Variants in SEMA3A observed in about 807,000 individuals in gnomAD.
SEMA3A encodes semaphorin 3A.
A neutral mutation model predicts 97.9 loss-of-function variants in SEMA3A; 29 were observed. The observed-to-expected ratio is 0.30, with a 90% CI of 0.22 to 0.40. The LOEUF (loss-of-function observed/expected upper bound fraction) is 0.40, where lower values mean the gene tolerates loss of function less well. SEMA3A is among the 10% of genes least tolerant of loss of function. The pLI is 1.00. For missense variants in SEMA3A, 763 were observed against 951.3 expected (o/e 0.80, Z 2.60); for synonymous variants, 321 against 323.7 (o/e 0.99, Z 0.09).
At chr7:84,268,249 A>ATGTG (rs66460940) in intron 3 of SEMA3A, among the ~76,000 whole-genome samples, 10,699 of 130,892 alleles carry the variant, frequency 0.082, 436 homozygotes, top group East Asian at 0.15. Flanking sequence ...AGACATAAGC[A>ATGTG]TGTGTGTGTG....
intron 3 of SEMA3A, among the ~76,000 whole-genome samples, chr7:84,115,074 A>G (rs1795384789): frequency 6.6e-6 from 1 of 152,110 alleles, no homozygotes; most frequent in Non-Finnish European, 1.5e-5. Flanking sequence ...AACTTTCCAC[A>G]TCAATGCTTT....
chr7:84,261,357 TA>T (rs1192236533), intron 3 of SEMA3A, among the ~76,000 whole-genome samples: 1 of 152,142 alleles, frequency 6.6e-6, no homozygotes, highest in Non-Finnish European at 1.5e-5. Context: ...GAAAGAGCTA[TA>T]ATACAAATAG....
intron 2 of SEMA3A, among the ~76,000 whole-genome samples, chr7:84,345,918 GAC>G (rs1447899613): frequency 2.0e-5 from 3 of 152,124 alleles, no homozygotes; most frequent in African/African-American, 7.2e-5. Context: ...GCCAGGCATC[GAC>G]ATTTCTCCAG....
chr7:84,291,641 T>A (rs1213123719), intron 3 of SEMA3A, among the ~76,000 whole-genome samples: 2 of 152,088 alleles, frequency 1.3e-5, no homozygotes, highest in African/African-American at 4.8e-5. Flanking sequence ...TATTACCCCA[T>A]AAAATTTTTA....
intron 6 of SEMA3A, among the ~76,000 whole-genome samples, chr7:84,039,214 A>G (rs919711100): frequency 6.6e-6 from 1 of 152,126 alleles, no homozygotes; most frequent in African/African-American, 2.4e-5. Flanking sequence ...TCTCAGAAAA[A>G]CAGTATGAGA....
At chr7:84,005,955 A>G (rs892966911) in intron 10 of SEMA3A, among the ~76,000 whole-genome samples, 2 of 152,136 alleles carry the variant, frequency 1.3e-5, no homozygotes, top group African/African-American at 4.8e-5. Context: ...TCTCAAAAAT[A>G]AAATAAAGGA....
chr7:84,189,891 C>T (rs1010114719), intron 1 of SEMA3A, among the ~76,000 whole-genome samples: 1 of 151,474 alleles, frequency 6.6e-6, no homozygotes, highest in African/African-American at 2.4e-5. Flanking sequence ...AATTAGATAT[C>T]ACAGATCAAT....
At chr7:84,254,816 T>G (rs1202018374) in intron 3 of SEMA3A, among the ~76,000 whole-genome samples, 1 of 152,188 alleles carries the variant, frequency 6.6e-6, no homozygotes. Context: ...TGGTTTTGTC[T>G]ATTTTTGTCT....
chr7:84,438,902 A>T (rs1584325808), intron 1 of SEMA3A, among the ~76,000 whole-genome samples: 1 of 152,150 alleles, frequency 6.6e-6, no homozygotes, highest in East Asian at 1.9e-4. Context: ...TCTTTATTTC[A>T]GTTAATTACT....
intron 1 of SEMA3A, among the ~76,000 whole-genome samples, chr7:84,451,447 T>C (rs1191558634): frequency 3.3e-5 from 5 of 152,170 alleles, no homozygotes; most frequent in South Asian, 2.1e-4. Flanking sequence ...TGATTAAAGA[T>C]GTTTATAGCC....
At position 84,143,961 on chromosome 7, in the gene SEMA3A, A is replaced by T. The variant is rs1197611536; in HGVS notation, c.113-9010T>A. ...CTCTCTCTCTCTCTAACACACACAC[A>T]CACACACACACACACACACACACAC... On this transcript the variant is annotated intron_variant, in intron 1 of 16. Transcript: ENST00000265362. Among the ~76,000 whole-genome samples, 121 of 140,400 alleles carry T rather than the reference A, an allele frequency of 8.6e-4. No homozygotes were observed. In the East Asian group the frequency reaches 9.9e-3, roughly 11 times the overall value. The allele number at this position is 140,400 out of a possible 152,430, so 92.1% of individuals were successfully genotyped here. A position where few individuals can be genotyped will look rare whatever the true frequency, so the allele number is the denominator to read the frequency against.
At chr7:84,055,984 G>C (rs944869712) in intron 5 of SEMA3A, among the ~76,000 whole-genome samples, 1 of 152,122 alleles carries the variant, frequency 6.6e-6, no homozygotes, top group South Asian at 2.1e-4. Flanking sequence ...TACATTAAAA[G>C]GTGGTTGTGA....
intron 1 of SEMA3A, among the ~76,000 whole-genome samples, chr7:84,146,840 T>C (rs1334184757): frequency 6.6e-6 from 1 of 152,220 alleles, no homozygotes; most frequent in Non-Finnish European, 1.5e-5. Context: ...TTTAATTATT[T>C]ATGAGACTCC....
intron 4 of SEMA3A, among the ~76,000 whole-genome samples, chr7:84,089,108 T>C (rs746243834): frequency 1.6e-4 from 24 of 152,024 alleles, no homozygotes; most frequent in Non-Finnish European, 1.6e-4. Context: ...TGAAAACGTA[T>C]ATGTAAACAC....
At chr7:84,055,114 A>T (rs966635174) in intron 5 of SEMA3A, among the ~76,000 whole-genome samples, 4 of 152,016 alleles carry the variant, frequency 2.6e-5, no homozygotes, top group African/African-American at 9.7e-5. Flanking sequence ...CAAAGCTGTC[A>T]GACAGGGCCA....
chr7:84,232,997 C>T (rs956282637), intron 3 of SEMA3A, among the ~76,000 whole-genome samples: 2 of 151,934 alleles, frequency 1.3e-5, no homozygotes, highest in Non-Finnish European at 2.9e-5. Context: ...AAGAACATTG[C>T]TTTACCCCTA....
At chr7:84,474,218 C>T (rs1318852205) in intron 1 of SEMA3A, among the ~76,000 whole-genome samples, 1 of 152,198 alleles carries the variant, frequency 6.6e-6, no homozygotes, top group African/African-American at 2.4e-5. Flanking sequence ...AGTGAGAAAA[C>T]GAATAAAAAT....
intron 6 of SEMA3A, among the ~76,000 whole-genome samples, chr7:84,029,606 G>C (rs1791664786): frequency 1.3e-5 from 2 of 152,056 alleles, no homozygotes; most frequent in South Asian, 4.1e-4. Flanking sequence ...TATTGTAAAT[G>C]TATTCATCCA....
intron 3 of SEMA3A, among the ~76,000 whole-genome samples, chr7:84,278,046 C>A (rs1158427468): frequency 2.0e-5 from 3 of 152,026 alleles, no homozygotes; most frequent in Admixed American, 6.6e-5. Context: ...TCATTTATTT[C>A]CTCCTGCATA....
Sources: allele counts gnomAD v4.1 joint callset (sites outside exome capture counted in the v4.1 genomes callset), GRCh38; gene constraint gnomAD v4.1.1; transcripts MANE v1.5; gene names NCBI Gene and HGNC (gene_info 2026-07-23, HGNC 2026-07-21).